The following E2F3 variants were observed in gnomAD, a reference collection of about 807,000 sequenced individuals.
The protein encoded by E2F3 is transcription factor E2F3.
In E2F3, 11 loss-of-function variants were observed where a neutral mutation model predicts 44.4. That is an observed-to-expected ratio of 0.25 (90% CI 0.16 to 0.41). The LOEUF (loss-of-function observed/expected upper bound fraction) is 0.41. E2F3 is among the 10% of genes least tolerant of loss of function. The pLI is 1.00. For synonymous variants in E2F3, 249 were observed against 253.0 expected, an observed-to-expected ratio of 0.98 and a Z score of 0.15; for missense variants, 487 against 583.6, an observed-to-expected ratio of 0.83 and a Z score of 1.70.
At chr6:20,414,225 G>C (rs560569685) in intron 1 of E2F3, among the ~76,000 whole-genome samples, 6 of 152,178 alleles carry the variant, frequency 3.9e-5, no homozygotes, top group African/African-American at 1.2e-4. Flanking sequence ...ATATGAAAAC[G>C]AGACAAATTC....
At chr6:20,425,604 G>C (rs1760189922) in intron 1 of E2F3, among the ~76,000 whole-genome samples, 1 of 152,170 alleles carries the variant, frequency 6.6e-6, no homozygotes. Flanking sequence ...GGCCAGGCTG[G>C]TCTTGAACTC....
intron 1 of E2F3, among the ~76,000 whole-genome samples, chr6:20,461,290 G>A (rs568757028): frequency 3.3e-5 from 5 of 152,170 alleles, no homozygotes; most frequent in East Asian, 1.9e-4. Flanking sequence ...TCAGGAGATC[G>A]AGACCATCCT....
chr6:20,411,865 ACTC>A (rs1759684963), intron 1 of E2F3, among the ~76,000 whole-genome samples: 1 of 151,370 alleles, frequency 6.6e-6, no homozygotes, highest in African/African-American at 2.4e-5. Context: ...TTCATGACTT[ACTC>A]CTCCTCCAAA....
chr6:20,452,901 C>T (rs1052655693), intron 1 of E2F3, among the ~76,000 whole-genome samples: 4 of 152,084 alleles, frequency 2.6e-5, no homozygotes, highest in African/African-American at 9.7e-5. Context: ...TTGCAGTGAG[C>T]CGAGATCGCA....
intron 1 of E2F3, among the ~76,000 whole-genome samples, chr6:20,441,547 A>G (rs1760772907): frequency 6.6e-6 from 1 of 151,980 alleles, no homozygotes; most frequent in Non-Finnish European, 1.5e-5. Context: ...ATTGCTGGTC[A>G]TATGGTAATT....
chr6:20,483,608 A>G (rs978943997), intron 4 of E2F3, among the ~76,000 whole-genome samples: 1 of 152,152 alleles, frequency 6.6e-6, no homozygotes, highest in Non-Finnish European at 1.5e-5. Flanking sequence ...CTTGTTCTCA[A>G]CTTCCTGACA....
Position 20,490,247 on chromosome 6 carries a change from C to A in E2F3, c.1215C>A (p.Asn405Lys). ...GNLSPLASPA[N>K]LLQQTEDQIP... ...TTTCTCCTCTGGCCTCCCCAGCCAA[C>A]CTCTTACAGCAGACTGAGGACCAAA... Residue 405 changes from asparagine (N) to lysine (K), a missense_variant, in exon 7 of 7, where the codon AAC becomes AAA. By Grantham distance (94) the Asn-to-Lys change is moderately conservative (BLOSUM62 0). Transcript: ENST00000346618. This position sits in a 1 kb window ranked among gnomAD's most constrained non-coding sequence, Gnocchi z 4.3. 2 of 1,614,144 alleles carry A rather than the reference C, an allele frequency of 1.2e-6. No individual in the cohort carries two copies. The highest frequency in any genetic ancestry group is 1.1e-5 in the South Asian group (1 of 91,072).
At chr6:20,408,790 C>T (rs1053170354) in intron 1 of E2F3, among the ~76,000 whole-genome samples, 1 of 152,176 alleles carries the variant, frequency 6.6e-6, no homozygotes, top group African/African-American at 2.4e-5. Flanking sequence ...AAATAATTGA[C>T]TTTAGTCTGC....
At chr6:20,488,091 C>T in intron 5 of E2F3, 22 bp from the exon 6 acceptor site, 3 of 1,610,710 alleles carry the variant, frequency 1.9e-6, no homozygotes, top group Non-Finnish European at 2.5e-6. Flanking sequence ...CTGATTCGAA[C>T]TTCTCCCACT....
chr6:20,432,758 C>T (rs747957584), intron 1 of E2F3, among the ~76,000 whole-genome samples: 19 of 152,128 alleles, frequency 1.2e-4, no homozygotes, highest in Non-Finnish European at 2.4e-4. Context: ...CGTTTCCTCA[C>T]GTAGACTGTC....
In E2F3 at chr6:20,425,154, A is replaced by G. The variant is rs976920274; in HGVS notation, c.393+22529A>G. The stretch of plus-strand genomic sequence containing the variant: ...TTGGCTTTGCCAAGGGTATTTGTTC[A>G]GATTTAGGATACAAGTCAAGTTGGG... On this transcript the variant is annotated intron_variant, in intron 1 of 6. Transcript: ENST00000346618. Among the ~76,000 whole-genome samples the G allele has an allele frequency of 2.0e-5, 3 of 152,206 alleles. No homozygotes were observed. The East Asian group carries it at 5.8e-4, about 29-fold the overall frequency.
intron 1 of E2F3, among the ~76,000 whole-genome samples, chr6:20,432,529 G>A (rs909665076): frequency 3.9e-5 from 6 of 152,230 alleles, no homozygotes; most frequent in South Asian, 4.1e-4. Context: ...TAGGGAAAGC[G>A]TACTTCTTCA....
intron 1 of E2F3, among the ~76,000 whole-genome samples, chr6:20,424,210 G>GGTGTGTGT (rs57286350): frequency 0.029 from 3,975 of 136,886 alleles, 79 homozygotes; most frequent in Non-Finnish European, 0.04. Flanking sequence ...TCAGTGGAAG[G>GGTGTGTGT]GTGTGTGTGT....
At chr6:20,432,977 T>C (rs762929155) in intron 1 of E2F3, among the ~76,000 whole-genome samples, 11 of 152,240 alleles carry the variant, frequency 7.2e-5, no homozygotes, top group Non-Finnish European at 1.3e-4. Context: ...AAGCCCTTGC[T>C]ACCATCTGGT....
Position 20,402,492 on chromosome 6 carries a change from G to T in E2F3, c.260G>T (p.Ser87Ile). The T allele has an allele frequency of 6.2e-7, 1 of 1,606,716 alleles. No individual in the cohort carries two copies. ...GTAGCCGCCGGCCCCCTCCTCCCCAGTGCCCCCGGCGCGGAGCAGACCGCC... is the reference window on the plus strand; with the variant it reads ...GTAGCCGCCGGCCCCCTCCTCCCCATTGCCCCCGGCGCGGAGCAGACCGCC... ...GAVAAGPLLP[S>I]APGAEQTAGS... Residue 87 changes from serine (S) to isoleucine (I), a missense_variant, in exon 1 of 7, where the codon AGT becomes ATT. Around this residue, in one of 3 missense-constraint regions of E2F3, gnomAD observed 238 missense variants for 236.0 expected, o/e 1.01. Coordinates refer to ENST00000346618, the MANE Select transcript of E2F3 (RefSeq NM_001949.5). This position sits in a 1 kb window ranked among gnomAD's most constrained non-coding sequence, Gnocchi z 5.6.
At chr6:20,416,793 T>C (rs747150222) in intron 1 of E2F3, among the ~76,000 whole-genome samples, 4 of 152,086 alleles carry the variant, frequency 2.6e-5, no homozygotes, top group Non-Finnish European at 5.9e-5. Context: ...GTGTTGCTCA[T>C]ATCATGAGAT....
chr6:20,443,161 G>C (rs1238084935), intron 1 of E2F3, among the ~76,000 whole-genome samples: 1 of 152,084 alleles, frequency 6.6e-6, no homozygotes, highest in Non-Finnish European at 1.5e-5. Flanking sequence ...AGGGATGCAG[G>C]GGTCCTGTCT....
At chr6:20,470,547 T>C (rs1337767744) in intron 1 of E2F3, among the ~76,000 whole-genome samples, 3 of 152,166 alleles carry the variant, frequency 2.0e-5, no homozygotes, top group African/African-American at 7.2e-5. Flanking sequence ...ATTCCCTCCT[T>C]TGGGTTATTT....
chr6:20,444,175 C>T (rs1581607207), intron 1 of E2F3, among the ~76,000 whole-genome samples: 1 of 152,142 alleles, frequency 6.6e-6, no homozygotes, highest in African/African-American at 2.4e-5. Flanking sequence ...GGCAGCAGAG[C>T]GAGACCTAGT....
Sources: allele counts gnomAD v4.1 joint callset (sites outside exome capture counted in the v4.1 genomes callset), GRCh38; gene constraint gnomAD v4.1.1; regional missense constraint gnomAD v4.1.1; non-coding constraint Gnocchi (gnomAD v3.1); transcripts MANE v1.5; gene names NCBI Gene and HGNC (gene_info 2026-07-23, HGNC 2026-07-21).